CRIP2: variants seen among roughly 807,000 people sequenced by gnomAD.
The protein encoded by CRIP2 is cysteine-rich protein 2.
In CRIP2, 31 loss-of-function variants were observed where a neutral mutation model predicts 31.3. The ratio of observed to expected loss-of-function variants is 0.99; its 90% CI spans 0.74 to 1.34. The LOEUF (loss-of-function observed/expected upper bound fraction) is 1.34. Ranked by LOEUF, CRIP2 falls within the 40% of genes most tolerant of loss-of-function variation. CRIP2 has a pLI of 0.00. For synonymous variants in CRIP2, 177 were observed against 127.2 expected (o/e 1.39, Z -2.63); for missense variants, 389 against 301.6 (o/e 1.29, Z -2.15).
intron 1 of CRIP2, chr14:105,475,760 A>ACCCCCTTCCTC: frequency 2.0e-5 from 19 of 939,768 alleles, no homozygotes; most frequent in Non-Finnish European, 2.4e-5. Flanking sequence ...CGCCCTTCCT[A>ACCCCCTTCCTC]CCCCCTTCCT....
At chr14:105,479,337 C>T in intron 6 of CRIP2, 99 bp from the exon 7 acceptor site, 1 of 1,561,710 alleles carries the variant, frequency 6.4e-7, no homozygotes, top group Non-Finnish European at 8.7e-7. Flanking sequence ...GCGCTGCCCT[C>T]TCCCCCACGG....
intron 1 of CRIP2, chr14:105,476,004 C>T: frequency 1.0e-6 from 1 of 985,514 alleles, no homozygotes. Flanking sequence ...TGTATTTTGC[C>T]CGTCCCAGAG....
chr14:105,479,517 CG>C, intron 7 of CRIP2, 24 bp downstream of exon 7: 1 of 1,612,926 alleles, frequency 6.2e-7, no homozygotes, highest in Non-Finnish European at 8.5e-7. Flanking sequence ...GGGTGGTCCA[CG>C]ATGTCTTCCC....
chr14:105,479,919 T>C lies in CRIP2; in HGVS notation c.*266T>C. The C allele has an allele frequency of 1.9e-6, 1 of 531,134 alleles. No homozygotes were observed. The allele number at this position is 531,134 out of a possible 1,614,324, so 32.9% of individuals were successfully genotyped here. ...CCCGTGTGACCCTGTCCCAGCATTTTCCCGCCGACCCTGCGTGTCCCCGTG... is the reference window on the plus strand; with the variant it reads ...CCCGTGTGACCCTGTCCCAGCATTTCCCCGCCGACCCTGCGTGTCCCCGTG... On this transcript the variant is annotated 3_prime_UTR_variant, in exon 8 of 8. Transcript: ENST00000329146.
chr14:105,479,114 CCCCTTT>C lies in CRIP2; in HGVS notation c.407-8_407-3del, dbSNP rs1292480553. 6.2e-7 allele frequency: 1 copy of C among 1,611,324 alleles called. No individual in the cohort carries two copies. Among genetic ancestry groups the C allele is most frequent in the Middle Eastern group, 1.7e-4 (1 of 5,962 alleles). ...GCCCCGGGGCTCGGCCTCACTCCTC[CCCCTTT>C]CCAGCTGAGAAGGTGACGTCTCTGG... On this transcript the variant is annotated splice_region_variant and splice_polypyrimidine_tract_variant and intron_variant, in intron 5 of 7. Transcript: ENST00000329146.
chr14:105,478,415 T>C lies in CRIP2; in HGVS notation c.139-35T>C. 1 of 1,588,900 alleles carries C rather than the reference T, an allele frequency of 6.3e-7. No individual in the cohort carries two copies. Among genetic ancestry groups the C allele is most frequent in the Non-Finnish European group, 8.5e-7 (1 of 1,172,108 alleles). On this transcript the variant is annotated intron_variant, in intron 2 of 7. Coordinates refer to ENST00000329146, the MANE Select transcript of CRIP2 (RefSeq NM_001312.4). The surrounding 1 kb of genome is among the most constrained non-coding windows in gnomAD (Gnocchi z 4.9). ...GCGGGGGTCGCGACTCCCGCCACCCTCAGGCAGGGTCCTGACCCGCGCCCC... is the reference window on the plus strand; with the variant it reads ...GCGGGGGTCGCGACTCCCGCCACCCCCAGGCAGGGTCCTGACCCGCGCCCC...
chr14:105,476,072 C>A, intron 1 of CRIP2: 1 of 985,602 alleles, frequency 1.0e-6, no homozygotes, highest in Non-Finnish European at 1.2e-6. Flanking sequence ...CGAGGGGCTT[C>A]CGGCTGCCTC....
upstream of CRIP2, among the ~76,000 whole-genome samples, chr14:105,473,754 G>A (rs1295204168): frequency 6.6e-6 from 1 of 152,198 alleles, no homozygotes; most frequent in East Asian, 1.9e-4. Flanking sequence ...GAGGCACTGT[G>A]GTGAGGCGTG....
upstream of CRIP2, chr14:105,473,461 G>C: frequency 6.5e-7 from 1 of 1,535,730 alleles, no homozygotes; most frequent in Non-Finnish European, 8.7e-7. Context: ...GGAGCACCGA[G>C]GGCCTCTGGT....
chr14:105,479,381 T>C (rs1337523900), intron 6 of CRIP2, 55 bp from the exon 7 acceptor site: 42 of 1,608,486 alleles, frequency 2.6e-5, no homozygotes, highest in Non-Finnish European at 3.1e-5. Context: ...AGCCTCCAGG[T>C]GATGGGTCGG....
Position 105,478,354 on chromosome 14 carries a change from C to T in CRIP2, c.132C>T (p.His44=). The change falls in exon 2 of 8, where the codon CAC becomes CAT. Residue 44 remains histidine (H), a synonymous_variant. Coordinates refer to ENST00000329146, the MANE Select transcript of CRIP2 (RefSeq NM_001312.4). This position sits in a 1 kb window ranked among gnomAD's most constrained non-coding sequence, Gnocchi z 4.9. The part of the protein sequence containing the change: ...RCSKTLTPGG[H]AEHDGKPFCH... ...GCAAGACGCTGACGCCCGGGGGCCACGCCGAGGTGAGCCCCACTGCGCGGC... is the reference window on the plus strand; with the variant it reads ...GCAAGACGCTGACGCCCGGGGGCCATGCCGAGGTGAGCCCCACTGCGCGGC... 6.4e-7 allele frequency: 1 copy of T among 1,564,554 alleles called. No homozygotes were observed. Among genetic ancestry groups the T allele is most frequent in the Non-Finnish European group, 8.6e-7 (1 of 1,158,402 alleles).
chr14:105,473,416 C>T (rs1354719260), upstream of CRIP2: 1 of 1,535,562 alleles, frequency 6.5e-7, no homozygotes, highest in African/African-American at 1.4e-5. Context: ...AGGGTGCTGC[C>T]ACAGAGAGCC....
In CRIP2 at chr14:105,478,243, C is replaced by A. The variant is rs782069039; in HGVS notation, c.44-23C>A. 3.9e-6 allele frequency: 6 copies of A among 1,519,486 alleles called. No individual in the cohort carries two copies. The highest frequency in any genetic ancestry group is 1.4e-5 in the African/African-American group (1 of 70,368). The allele number at this position is 1,519,486 out of a possible 1,614,324, so 94.1% of individuals were successfully genotyped here. A position where few individuals can be genotyped will look rare whatever the true frequency, so the allele number is the denominator to read the frequency against. On this transcript the variant is annotated intron_variant, in intron 1 of 7. Transcript: ENST00000329146. The surrounding 1 kb of genome is among the most constrained non-coding windows in gnomAD (Gnocchi z 4.9). ...TGCGGGGCGCGCCCCGGCCCTGACC[C>A]CCCTGCCGCCCCTCCCGCTCAGCCG... is the stretch of plus-strand genomic sequence containing the variant.
At chr14:105,473,484 A>G, upstream of CRIP2, 1 of 1,535,466 alleles carries the variant, frequency 6.5e-7, no homozygotes, top group Non-Finnish European at 8.7e-7. Flanking sequence ...GCTCACAAAC[A>G]TGCCTGGTGC....
intron 7 of CRIP2, 24 bp from the exon 8 acceptor site, chr14:105,479,562 C>T: frequency 1.2e-6 from 2 of 1,612,796 alleles, no homozygotes; most frequent in Non-Finnish European, 8.5e-7. Context: ...TCCCCCGACC[C>T]ACCCCAGCGG....
At position 105,478,613 on chromosome 14, in the gene CRIP2, G is replaced by A; in HGVS notation, c.196+106G>A. 5 of 1,516,600 alleles carry A rather than the reference G, an allele frequency of 3.3e-6. No homozygotes were observed. The highest frequency in any genetic ancestry group is 4.4e-6 in the Non-Finnish European group (5 of 1,130,384). 93.9% of individuals were successfully genotyped at this position (1,516,600 alleles called of 1,614,324 possible). A position where few individuals can be genotyped will look rare whatever the true frequency, so the allele number is the denominator to read the frequency against. ...CGGCCGCCGTGGATCCCCGCCCAGA[G>A]TCCCTGCCACCCTGGAAAGCCTAGT... On this transcript the variant is annotated intron_variant, in intron 3 of 7. Coordinates refer to ENST00000329146, the MANE Select transcript of CRIP2 (RefSeq NM_001312.4). This position sits in a 1 kb window ranked among gnomAD's most constrained non-coding sequence, Gnocchi z 4.9.
chr14:105,477,181 T>C, intron 1 of CRIP2: 2 of 752,100 alleles, frequency 2.7e-6, no homozygotes, highest in Non-Finnish European at 3.2e-6. Context: ...GGGCCCTTCC[T>C]GCCCCTCCCC....
intron 1 of CRIP2, chr14:105,476,836 C>A: frequency 1.1e-6 from 1 of 911,274 alleles, no homozygotes; most frequent in South Asian, 5.0e-5. Context: ...GAGGCTGGCC[C>A]TGGCCATGCC....
rs973988561 is a variant in CRIP2 at position 105,474,985 on chromosome 14, G to A, written c.43+80G>A. The A allele has an allele frequency of 4.9e-5, 66 of 1,348,720 alleles. No individual in the cohort carries two copies. Among genetic ancestry groups the A allele is most frequent in the Non-Finnish European group, 1.4e-5 (15 of 1,043,034 alleles). The allele number at this position is 1,348,720 out of a possible 1,614,324, so 83.5% of individuals were successfully genotyped here. On this transcript the variant is annotated intron_variant, in intron 1 of 7. Transcript: ENST00000329146. This position sits in a 1 kb window ranked among gnomAD's most constrained non-coding sequence, Gnocchi z 5.1. ...CAGTCCCGCGCCGCAGAGCCGCGGC[G>A]TAACTCGGGGTGCGCCCGGCCCCGG... is the stretch of plus-strand genomic sequence containing the variant.
Sources: gnomAD v4.1 joint callset for allele counts (sites outside exome capture counted in the v4.1 genomes callset) on GRCh38, gnomAD v4.1.1 for gene constraint, Gnocchi (gnomAD v3.1) non-coding constraint, MANE v1.5 for transcripts, NCBI Gene and HGNC (gene_info 2026-07-23, HGNC 2026-07-21) for gene names.